Variants in B3GALNT2 observed in about 807,000 individuals in gnomAD.
The protein encoded by B3GALNT2 is UDP-GalNAc:beta-1,3-N-acetylgalactosaminyltransferase 2.
A neutral mutation model predicts 61.1 loss-of-function variants in B3GALNT2; 53 were observed. That is an observed-to-expected ratio of 0.87 (90% confidence interval 0.70 to 1.09). The LOEUF is 1.09. B3GALNT2 is among the 50% of genes least tolerant of loss of function. The pLI, the probability that B3GALNT2 is intolerant of heterozygous loss-of-function variation, is 0.00. For missense variants in B3GALNT2, 544 were observed against 623.0 expected (o/e 0.87, Z 1.35); for synonymous variants, 223 against 237.4 (o/e 0.94, Z 0.56).
chr1:235,461,517 T>TG (rs1303332416), intron 7 of B3GALNT2, among the ~76,000 whole-genome samples: 5 of 134,060 alleles, frequency 3.7e-5, no homozygotes, highest in Non-Finnish European at 6.4e-5. Flanking sequence ...GTTTTTTTTT[T>TG]TTTTTTTTTT....
intron 1 of B3GALNT2, 121 bp from the exon 2 acceptor site, chr1:235,494,949 G>T: frequency 1.9e-6 from 2 of 1,041,498 alleles, no homozygotes; most frequent in Non-Finnish European, 2.7e-6. Context: ...TAAACACAAA[G>T]AAAAGAATTT....
At chr1:235,470,042 C>T (rs904463556) in intron 6 of B3GALNT2, among the ~76,000 whole-genome samples, 1 of 151,922 alleles carries the variant, frequency 6.6e-6, no homozygotes, top group Non-Finnish European at 1.5e-5. Context: ...GGATTCCAGG[C>T]ATGCGCCACC....
chr1:235,454,085 C>T (rs571390186), intron 10 of B3GALNT2, 71 bp downstream of exon 10: 14 of 1,403,826 alleles, frequency 1.0e-5, no homozygotes, highest in East Asian at 7.4e-5. Flanking sequence ...GTGATCTACC[C>T]GCCTTAGCCT....
At chr1:235,481,999 T>C (rs181992734) in intron 4 of B3GALNT2, among the ~76,000 whole-genome samples, 1 of 152,360 alleles carries the variant, frequency 6.6e-6, no homozygotes, top group East Asian at 1.9e-4. Flanking sequence ...TGTGTATTTA[T>C]TGATGAGTCT....
At chr1:235,453,009 T>G in intron 11 of B3GALNT2, 81 bp downstream of exon 11, 1 of 1,261,396 alleles carries the variant, frequency 7.9e-7, no homozygotes. Context: ...CCAGGCATTT[T>G]GGATAAAGAA....
At chr1:235,480,601 A>T (rs1372568624) in intron 4 of B3GALNT2, among the ~76,000 whole-genome samples, 2 of 152,034 alleles carry the variant, frequency 1.3e-5, no homozygotes, top group Admixed American at 1.3e-4. Context: ...AAAACAAAAA[A>T]GGGAATATAA....
chr1:235,445,560 T>C (rs549733744), downstream of B3GALNT2, among the ~76,000 whole-genome samples: 576 of 152,168 alleles, frequency 3.8e-3, 4 homozygotes, highest in African/African-American at 0.013. Flanking sequence ...CACTTGAGCC[T>C]GGGAAGTTGA....
chr1:235,492,580 T>C (rs1685118502), intron 2 of B3GALNT2, among the ~76,000 whole-genome samples: 1 of 152,204 alleles, frequency 6.6e-6, no homozygotes, highest in Non-Finnish European at 1.5e-5. Flanking sequence ...GTATTGGGAA[T>C]ACACCAGTGA....
chr1:235,460,446 GTTTT>G (rs760150132), intron 7 of B3GALNT2, among the ~76,000 whole-genome samples: 35 of 129,884 alleles, frequency 2.7e-4, no homozygotes, highest in Admixed American at 1.2e-3. Context: ...GCCTGGCCAT[GTTTT>G]ATTTAAAAAA....
Position 235,504,204 on chromosome 1 carries a change from G to GC in B3GALNT2, c.48dup (p.Leu17AlafsTer36), listed in dbSNP as rs1241056231. The GC allele has an allele frequency of 2.1e-6, 3 of 1,432,730 alleles. No individual in the cohort carries two copies. Among genetic ancestry groups the GC allele is most frequent in the East Asian group, 6.2e-5 (2 of 32,378 alleles). The allele number at this position is 1,432,730 out of a possible 1,614,324, so 88.8% of individuals were successfully genotyped here. A position where few individuals can be genotyped will look rare whatever the true frequency, so the allele number is the denominator to read the frequency against. On this transcript the variant is annotated frameshift_variant, in exon 1 of 12. Transcript: ENST00000366600. LOFTEE classifies it high-confidence loss of function. ...GAGCGCAGCCGCAGCCAGAGGTGCA[G>GC]CGCGGCCCCGAGCACACACGGGCAC...
Position 235,458,740 on chromosome 1 carries a change from A to T in B3GALNT2, c.888T>A (p.Leu296=), listed in dbSNP as rs770068840. The T allele has an allele frequency of 6.2e-7, 1 of 1,610,608 alleles. No individual in the cohort carries two copies. The highest frequency in any genetic ancestry group is 1.1e-5 in the South Asian group (1 of 89,748). Residue 296 remains leucine, a synonymous_variant, in exon 8 of 12, where the codon CTT becomes CTA. Coordinates refer to ENST00000366600, the MANE Select transcript of B3GALNT2 (RefSeq NM_152490.5). ...CATGGAGATTCCTTATATGATCAAT[A>T]AGTCTTTGAGGGCGAGAATGAAGGT... ...LHNLHSRPQR[L]IDHIRNLHEE...
At chr1:235,475,024 G>A (rs190323030) in intron 5 of B3GALNT2, among the ~76,000 whole-genome samples, 40 of 102,666 alleles carry the variant, frequency 3.9e-4, no homozygotes, top group African/African-American at 1.5e-3. Flanking sequence ...ACGGAGTCTC[G>A]CTCTGTCTCT....
rs55666590 is a variant in B3GALNT2 at position 235,480,905 on chromosome 1, C to CAAAAAAAAAAA, written c.556-767_556-757dup. On this transcript the variant is annotated intron_variant, in intron 4 of 11. Transcript: ENST00000366600. ...TGGACCGCAGAGCCAGACTCTGTCTCAAAAAAAAAAAAAAAAAAAAAAAAA... is the reference window on the plus strand; with the variant it reads ...TGGACCGCAGAGCCAGACTCTGTCTCAAAAAAAAAAAAAAAAAAAAAAAAAAAAAAAAAAAA... Among the ~76,000 whole-genome samples, 15 of 31,172 alleles carry CAAAAAAAAAAA rather than the reference C, an allele frequency of 4.8e-4. 1 individual carries two copies. Among genetic ancestry groups the CAAAAAAAAAAA allele is most frequent in the Admixed American group, 1.2e-3 (2 of 1,698 alleles). The allele number at this position is 31,172 out of a possible 152,430, so 20.5% of individuals were successfully genotyped here. A position where few individuals can be genotyped will look rare whatever the true frequency, so the allele number is the denominator to read the frequency against.
intron 7 of B3GALNT2, among the ~76,000 whole-genome samples, chr1:235,463,143 C>T (rs146246710): frequency 8.9e-4 from 136 of 152,206 alleles, no homozygotes; most frequent in African/African-American, 2.8e-3. Context: ...ATCCAAACAT[C>T]GTATGTTCTC....
chr1:235,452,361 C>T (rs1329725064), intron 11 of B3GALNT2: 1 of 152,072 alleles, frequency 6.6e-6, no homozygotes, highest in Non-Finnish European at 1.5e-5. Flanking sequence ...TGATTTATAA[C>T]CTTTTGCTTT....
At chr1:235,493,280 C>A (rs928232092) in intron 2 of B3GALNT2, among the ~76,000 whole-genome samples, 6 of 152,066 alleles carry the variant, frequency 3.9e-5, no homozygotes, top group Admixed American at 1.3e-4. Context: ...TTGGTCTGAG[C>A]AACTGGTGGA....
chr1:235,471,461 C>T (rs1405602831), intron 5 of B3GALNT2, among the ~76,000 whole-genome samples: 3 of 152,152 alleles, frequency 2.0e-5, no homozygotes, highest in Non-Finnish European at 4.4e-5. Flanking sequence ...AGTGAAATTA[C>T]TGGGACAAGA....
chr1:235,446,313 A>G (rs911153252), downstream of B3GALNT2, among the ~76,000 whole-genome samples: 14 of 152,154 alleles, frequency 9.2e-5, no homozygotes, highest in South Asian at 2.5e-3. Context: ...AGTAGCTGGG[A>G]TAACAGGTGC....
chr1:235,479,757 C>T (rs1684466873), intron 5 of B3GALNT2: 3 of 230,974 alleles, frequency 1.3e-5, no homozygotes, highest in Admixed American at 5.2e-5. Context: ...CAATCCACAC[C>T]CAACATCATC....
Sources: gnomAD v4.1 joint callset for allele counts (sites outside exome capture counted in the v4.1 genomes callset) on GRCh38, gnomAD v4.1.1 for gene constraint, MANE v1.5 for transcripts, NCBI Gene and HGNC (gene_info 2026-07-23, HGNC 2026-07-21) for gene names.